Variants in CCDC146 observed in about 807,000 individuals in gnomAD.
CCDC146 encodes coiled-coil domain containing 146.
A neutral mutation model predicts 119.3 loss-of-function variants in CCDC146; 92 were observed. The ratio of observed to expected loss-of-function variants is 0.77; its 90% confidence interval spans 0.65 to 0.92. The LOEUF is 0.92. CCDC146 is among the 40% of genes least tolerant of loss of function. The pLI is 0.00. For synonymous variants in CCDC146, 372 were observed against 371.8 expected, an observed-to-expected ratio of 1.00 and a Z score of -0.01; for missense variants, 1,000 against 1,103.0, an observed-to-expected ratio of 0.91 and a Z score of 1.32.
intron 17 of CCDC146, among the ~76,000 whole-genome samples, chr7:77,288,266 C>A (rs55980560): frequency 6.6e-6 from 1 of 151,990 alleles, no homozygotes; most frequent in Non-Finnish European, 1.5e-5. Context: ...GAGGTGAAGG[C>A]TGTCTATTAG....
intron 9 of CCDC146, among the ~76,000 whole-genome samples, chr7:77,271,052 GAAA>G (rs11294929): frequency 7.4e-6 from 1 of 134,384 alleles, no homozygotes; most frequent in Admixed American, 7.3e-5. Flanking sequence ...TGCAGCTCTG[GAAA>G]AAAAAAAAAA....
intron 2 of CCDC146, among the ~76,000 whole-genome samples, chr7:77,190,278 A>G (rs531704097): frequency 6.6e-6 from 1 of 152,394 alleles, no homozygotes; most frequent in South Asian, 2.1e-4. Flanking sequence ...TGTTGAATCT[A>G]TAATTTCTGG....
At chr7:77,162,637 A>G (rs1353861995) in intron 1 of CCDC146, among the ~76,000 whole-genome samples, 3 of 152,132 alleles carry the variant, frequency 2.0e-5, no homozygotes, top group African/African-American at 4.8e-5. Context: ...TTATTGTTCC[A>G]TATAAATTTT....
chr7:77,178,097 A>G (rs1314062906), intron 2 of CCDC146, among the ~76,000 whole-genome samples: 1 of 152,242 alleles, frequency 6.6e-6, no homozygotes, highest in Admixed American at 6.5e-5. Context: ...CACTTTGCAA[A>G]GTAGATTAAT....
At chr7:77,179,318 C>A (rs1013787964) in intron 2 of CCDC146, among the ~76,000 whole-genome samples, 1 of 151,912 alleles carries the variant, frequency 6.6e-6, no homozygotes, top group Non-Finnish European at 1.5e-5. Flanking sequence ...CCAGAAGGTG[C>A]AGAATAGTAA....
rs1792748205 is a variant in CCDC146, at chr7:77,236,995, G to A, written c.205G>A (p.Ala69Thr). Residue 69 changes from alanine (A) to threonine (T), a missense_variant, in exon 3 of 19, where the codon GCC (alanine) becomes ACC (threonine). Transcript: ENST00000285871. ...LPGTRMAALK[A>T]KYTLLHDAVM... ...TGGAACCAGAATGGCAGCGTTAAAA[G>A]CCAAGTATACCTTGCTGCATGACGC... 6.2e-7 allele frequency: 1 copy of A among 1,614,036 alleles called. No homozygotes were observed. Among genetic ancestry groups the A allele is most frequent in the South Asian group, 1.1e-5 (1 of 91,094 alleles).
chr7:77,267,231 G>A (rs1051436429), intron 9 of CCDC146, among the ~76,000 whole-genome samples: 1 of 152,108 alleles, frequency 6.6e-6, no homozygotes, highest in African/African-American at 2.4e-5. Flanking sequence ...GACCTCAGGT[G>A]ATCCACCTGC....
intron 2 of CCDC146, among the ~76,000 whole-genome samples, chr7:77,168,331 G>A (rs1791369253): frequency 6.6e-6 from 1 of 151,332 alleles, no homozygotes; most frequent in Admixed American, 6.6e-5. Flanking sequence ...TGAACATTTA[G>A]GAAATACCCA....
At chr7:77,131,955 G>A (rs1339264067) in intron 1 of CCDC146, among the ~76,000 whole-genome samples, 1 of 152,178 alleles carries the variant, frequency 6.6e-6, no homozygotes, top group Non-Finnish European at 1.5e-5. Flanking sequence ...GGAAGGGAAA[G>A]AACTGTTCTG....
chr7:77,269,835 C>G (rs913188066), intron 9 of CCDC146, among the ~76,000 whole-genome samples: 12 of 152,120 alleles, frequency 7.9e-5, no homozygotes, highest in African/African-American at 2.9e-4. Flanking sequence ...CTCTTTGACC[C>G]TGTGATTTAT....
intron 2 of CCDC146, among the ~76,000 whole-genome samples, chr7:77,215,022 C>T (rs189775998): frequency 6.6e-6 from 1 of 152,156 alleles, no homozygotes; most frequent in Admixed American, 6.5e-5. Context: ...TTTCTCTTCA[C>T]TTATTTATTA....
At chr7:77,254,700 G>T in intron 5 of CCDC146, 137 bp downstream of exon 5, 1 of 494,372 alleles carries the variant, frequency 2.0e-6, no homozygotes. Context: ...GAATGATGCT[G>T]AAAAGACTAG....
chr7:77,185,057 T>A (rs1398562351), intron 2 of CCDC146, among the ~76,000 whole-genome samples: 1 of 151,782 alleles, frequency 6.6e-6, no homozygotes, highest in African/African-American at 2.4e-5. Context: ...TATCTACAAG[T>A]GAAAAACAGT....
chr7:77,259,157 A>C, intron 7 of CCDC146, 89 bp downstream of exon 7: 1 of 726,878 alleles, frequency 1.4e-6, no homozygotes, highest in South Asian at 2.0e-5. Context: ...GGACACATTA[A>C]ATTACTATGA....
At chr7:77,243,158 A>T (rs1017923307) in intron 4 of CCDC146, among the ~76,000 whole-genome samples, 4 of 152,248 alleles carry the variant, frequency 2.6e-5, no homozygotes, top group Admixed American at 2.0e-4. Flanking sequence ...AACATAAGTC[A>T]GTTGATATTT....
chr7:77,158,990 C>T lies in CCDC146; in HGVS notation c.-11-8668C>T, dbSNP rs184263849. On this transcript the variant is annotated intron_variant, in intron 1 of 18. Coordinates refer to ENST00000285871, the MANE Select transcript of CCDC146 (RefSeq NM_020879.3). ...CTGTCTTTCCTTTTTTAAAAAAACA[C>T]GTTATTGAGGTATGGTTGATGTATA... Among the ~76,000 whole-genome samples, 691 of 152,052 alleles carry T rather than the reference C, an allele frequency of 4.5e-3. 5 individuals carry two copies. The highest frequency in any genetic ancestry group is 5.4e-3 in the Non-Finnish European group (369 of 68,006).
chr7:77,256,242 A>C (rs1793175500), intron 5 of CCDC146, 91 bp from the exon 6 acceptor site: 6 of 867,288 alleles, frequency 6.9e-6, no homozygotes, highest in Non-Finnish European at 1.0e-5. Context: ...ATATAATCAA[A>C]ATGGTGGGTG....
At chr7:77,136,768 C>T (rs1180448175) in intron 1 of CCDC146, among the ~76,000 whole-genome samples, 4 of 152,186 alleles carry the variant, frequency 2.6e-5, no homozygotes, top group East Asian at 3.9e-4. Context: ...ACTCTGAGGC[C>T]AGCATTATTC....
At chr7:77,202,012 A>G (rs750120280) in intron 2 of CCDC146, among the ~76,000 whole-genome samples, 4 of 152,270 alleles carry the variant, frequency 2.6e-5, no homozygotes, top group Non-Finnish European at 5.9e-5. Context: ...TGACTAGAGT[A>G]TAAATCCCTG....
Sources: gnomAD v4.1 joint callset for allele counts (sites outside exome capture counted in the v4.1 genomes callset) on GRCh38, gnomAD v4.1.1 for gene constraint, MANE v1.5 for transcripts, NCBI Gene and HGNC (gene_info 2026-07-23, HGNC 2026-07-21) for gene names.